PPP2R3A: variants seen among roughly 807,000 people sequenced by gnomAD.
PPP2R3A encodes the protein serine/threonine-protein phosphatase 2A regulatory subunit B'' subunit alpha.
A neutral mutation model predicts 106.9 loss-of-function variants in PPP2R3A; 80 were observed. The observed-to-expected ratio is 0.75, with a 90% confidence interval of 0.62 to 0.90. The LOEUF (loss-of-function observed/expected upper bound fraction) is 0.90. PPP2R3A is among the 40% of genes least tolerant of loss of function. The pLI, the probability that PPP2R3A is intolerant of heterozygous loss-of-function variation, is 0.00. For missense variants in PPP2R3A, 1,386 were observed against 1,350.4 expected (o/e 1.03, Z -0.41); for synonymous variants, 483 against 468.3 (o/e 1.03, Z -0.41).
At chr3:136,036,765 G>A (rs935090560) in intron 3 of PPP2R3A, among the ~76,000 whole-genome samples, 6 of 152,186 alleles carry the variant, frequency 3.9e-5, no homozygotes, top group African/African-American at 1.4e-4. Context: ...TGGAGCTGCA[G>A]TCTAGTCCTG....
At chr3:135,987,348 G>A (rs77769797) in intron 1 of PPP2R3A, among the ~76,000 whole-genome samples, 8,368 of 152,180 alleles carry the variant, frequency 0.055, 265 homozygotes, top group Non-Finnish European at 0.075. Context: ...GCAATATGAA[G>A]AGGCCAGATG....
chr3:136,135,927 A>G (rs986457058), intron 13 of PPP2R3A, among the ~76,000 whole-genome samples: 1 of 151,090 alleles, frequency 6.6e-6, no homozygotes, highest in Non-Finnish European at 1.5e-5. Context: ...AATCCCAGCT[A>G]CTTGGGAGGC....
At chr3:136,049,128 A>G (rs896351644) in intron 4 of PPP2R3A, 131 bp from the exon 5 acceptor site, 2 of 661,068 alleles carry the variant, frequency 3.0e-6, no homozygotes, top group Non-Finnish European at 5.2e-6. Flanking sequence ...ACATCCTTTG[A>G]TTATGTAAAT....
Position 136,145,883 on chromosome 3 carries a change from T to C in PPP2R3A, c.*717T>C, listed in dbSNP as rs574439456. On this transcript the variant is annotated 3_prime_UTR_variant, in exon 14 of 14. Coordinates refer to ENST00000264977, the MANE Select transcript of PPP2R3A (RefSeq NM_002718.5). ...TCTTAAATGAAGTATAGAATTTGACTCATACTTGGAAAAAGCCCTTTTAAC... is the reference window on the plus strand; with the variant it reads ...TCTTAAATGAAGTATAGAATTTGACCCATACTTGGAAAAAGCCCTTTTAAC... 2.0e-4 allele frequency: 31 copies of C among 152,292 alleles called. No individual in the cohort carries two copies. Among genetic ancestry groups the C allele is most frequent in the Non-Finnish European group, 4.6e-4 (31 of 68,032 alleles). 9.4% of individuals were successfully genotyped at this position (152,292 alleles called of 1,614,324 possible).
At chr3:136,065,008 G>T (rs989189184) in intron 5 of PPP2R3A, among the ~76,000 whole-genome samples, 2 of 152,124 alleles carry the variant, frequency 1.3e-5, no homozygotes, top group Non-Finnish European at 2.9e-5. Context: ...AATAAAATAT[G>T]AAGGTAAAAG....
At position 136,040,839 on chromosome 3, in the gene PPP2R3A, T is replaced by C. The variant is rs1935241289; in HGVS notation, c.2263-20T>C. On this transcript the variant is annotated intron_variant, in intron 3 of 13. Transcript: ENST00000264977. ...CTTCATTCCCTGTTGGCTTACCCTG[T>C]ATGTGTTTTCTATTTGCAGGTCTGT... 2 of 1,598,522 alleles carry C rather than the reference T, an allele frequency of 1.3e-6. No homozygotes were observed. Among genetic ancestry groups the C allele is most frequent in the South Asian group, 1.1e-5 (1 of 88,686 alleles).
At chr3:135,990,373 A>G (rs1933108026) in intron 1 of PPP2R3A, among the ~76,000 whole-genome samples, 1 of 152,172 alleles carries the variant, frequency 6.6e-6, no homozygotes, top group Non-Finnish European at 1.5e-5. Flanking sequence ...AGGAATTGTC[A>G]CTAGAATGTG....
intron 1 of PPP2R3A, among the ~76,000 whole-genome samples, chr3:135,995,869 G>T (rs993586570): frequency 2.0e-5 from 3 of 152,010 alleles, no homozygotes; most frequent in Non-Finnish European, 4.4e-5. Context: ...TCATCTATTC[G>T]GATTCAGACT....
Position 136,082,414 on chromosome 3 carries a change from T to G in PPP2R3A, c.2781T>G (p.Asn927Lys). 6.2e-7 allele frequency: 1 copy of G among 1,613,604 alleles called. No individual in the cohort carries two copies. Among genetic ancestry groups the G allele is most frequent in the Non-Finnish European group, 8.5e-7 (1 of 1,179,542 alleles). ...YISQADLSRYNDQASSSRIIE... is the reference protein window; with the variant it reads ...YISQADLSRYKDQASSSRIIE... ...GCCAGGCCGATCTGTCTCGATACAA[T>G]GACCAGGGTAAGTGATTCTGTAGAT... The change falls in exon 8 of 14, where the codon AAT becomes AAG. Residue 927 changes from asparagine (N) to lysine (K), a missense_variant. Transcript: ENST00000264977.
At chr3:136,131,495 T>C (rs1291276803) in intron 13 of PPP2R3A, among the ~76,000 whole-genome samples, 1 of 152,158 alleles carries the variant, frequency 6.6e-6, no homozygotes, top group Non-Finnish European at 1.5e-5. Context: ...ATGGCAATCA[T>C]TAAAACGTCA....
chr3:136,115,371 A>G (rs1354029252), intron 13 of PPP2R3A, among the ~76,000 whole-genome samples: 1 of 152,110 alleles, frequency 6.6e-6, no homozygotes, highest in Non-Finnish European at 1.5e-5. Flanking sequence ...CTTGCCAGCA[A>G]GGGAACAAAA....
chr3:136,024,846 CCTTA>C (rs1934591155), intron 2 of PPP2R3A, among the ~76,000 whole-genome samples: 1 of 152,030 alleles, frequency 6.6e-6, no homozygotes, highest in Admixed American at 6.6e-5. Flanking sequence ...GAATTCTGTG[CCTTA>C]CTTTAGAATT....
chr3:136,045,315 T>C (rs1356846471), intron 4 of PPP2R3A, among the ~76,000 whole-genome samples: 1 of 152,168 alleles, frequency 6.6e-6, no homozygotes, highest in Non-Finnish European at 1.5e-5. Context: ...GCCAGAGAAC[T>C]AAGCTACAGG....
chr3:136,002,611 C>G lies in PPP2R3A; in HGVS notation c.1113C>G (p.Asn371Lys), dbSNP rs1933677004. Residue 371 changes from asparagine to lysine, a missense_variant, in exon 2 of 14, where the codon AAC becomes AAG. Coordinates refer to ENST00000264977, the MANE Select transcript of PPP2R3A (RefSeq NM_002718.5). Reference sequence around the variant, plus strand: ...TGGACACTGTACAATCCATTCCAAACAACTCCACAAATTCCTTATATAACT... The same window carrying G: ...TGGACACTGTACAATCCATTCCAAAGAACTCCACAAATTCCTTATATAACT... The part of the protein sequence containing the change: ...RKMDTVQSIP[N>K]NSTNSLYNLE... 8 of 1,613,868 alleles carry G rather than the reference C, an allele frequency of 5.0e-6. No individual in the cohort carries two copies. The highest frequency in any genetic ancestry group is 5.9e-6 in the Non-Finnish European group (7 of 1,179,908).
At chr3:136,102,280 T>TTCTATCAAGACTC in intron 11 of PPP2R3A, 98 bp downstream of exon 11, 2 of 1,344,736 alleles carry the variant, frequency 1.5e-6, no homozygotes, top group Non-Finnish European at 2.0e-6. Context: ...TTTCAGAGTC[T>TTCTATCAAGACTC]TGATAGAAGA....
intron 2 of PPP2R3A, 111 bp from the exon 3 acceptor site, chr3:136,026,721 C>A: frequency 1.1e-6 from 1 of 944,646 alleles, no homozygotes; most frequent in Non-Finnish European, 1.6e-6. Flanking sequence ...GTACAGTGAG[C>A]CCTTAATCTC....
At chr3:135,995,440 T>C (rs1933351122) in intron 1 of PPP2R3A, among the ~76,000 whole-genome samples, 1 of 150,686 alleles carries the variant, frequency 6.6e-6, no homozygotes, top group South Asian at 2.1e-4. Flanking sequence ...GAGACTTACG[T>C]TGACAGATTT....
intron 9 of PPP2R3A, among the ~76,000 whole-genome samples, chr3:136,089,816 C>T (rs767141668): frequency 8.0e-4 from 122 of 152,064 alleles, no homozygotes; most frequent in Non-Finnish European, 2.6e-4. Flanking sequence ...AGAGATTTTT[C>T]ACCTCCTTGG....
At chr3:136,048,448 G>A (rs1399229131) in intron 4 of PPP2R3A, among the ~76,000 whole-genome samples, 2 of 152,098 alleles carry the variant, frequency 1.3e-5, no homozygotes, top group African/African-American at 4.8e-5. Context: ...CGAGGCAGGC[G>A]GATCACAAGG....
Sources: allele counts gnomAD v4.1 joint callset (sites outside exome capture counted in the v4.1 genomes callset), GRCh38; gene constraint gnomAD v4.1.1; transcripts MANE v1.5; gene names NCBI Gene and HGNC (gene_info 2026-07-23, HGNC 2026-07-21).